CLYBL: variants seen among roughly 807,000 people sequenced by gnomAD.
The protein encoded by CLYBL is citramalyl-CoA lyase.
Under a neutral mutation model 38.9 loss-of-function variants are expected in CLYBL, and 31 were observed. That is an observed-to-expected ratio of 0.80 (90% confidence interval 0.60 to 1.08). CLYBL has a LOEUF of 1.08. CLYBL is among the 50% of genes least tolerant of loss of function. CLYBL has a pLI of 0.00. For missense variants in CLYBL, 434 were observed against 411.6 expected (o/e 1.05, Z -0.47); for synonymous variants, 171 against 158.6 (o/e 1.08, Z -0.59).
intron 1 of CLYBL, among the ~76,000 whole-genome samples, chr13:99,638,734 C>T (rs181398986): frequency 1.4e-3 from 211 of 152,268 alleles, no homozygotes; most frequent in Middle Eastern, 3.4e-3. Flanking sequence ...AGGAGGAAAC[C>T]GAAACACAGA....
At chr13:99,615,068 A>T (rs1223057714) in intron 1 of CLYBL, among the ~76,000 whole-genome samples, 3 of 152,232 alleles carry the variant, frequency 2.0e-5, no homozygotes, top group Non-Finnish European at 4.4e-5. Context: ...CAGGAGGCAC[A>T]CCTGAAGCCT....
chr13:99,806,584 T>C (rs1472048195), intron 2 of CLYBL, among the ~76,000 whole-genome samples: 2 of 152,220 alleles, frequency 1.3e-5, no homozygotes, highest in African/African-American at 2.4e-5. Flanking sequence ...AAGCCTCAGA[T>C]TTCTGATCTT....
At chr13:99,680,854 G>C (rs2047724262) in intron 1 of CLYBL, among the ~76,000 whole-genome samples, 1 of 152,202 alleles carries the variant, frequency 6.6e-6, no homozygotes, top group African/African-American at 2.4e-5. Flanking sequence ...AGTAGCATTA[G>C]CATCAGACAT....
At chr13:99,678,202 CATT>C in intron 1 of CLYBL, among the ~76,000 whole-genome samples, 1 of 152,156 alleles carries the variant, frequency 6.6e-6, no homozygotes, top group East Asian at 1.9e-4. Context: ...AACATTTTGT[CATT>C]GTTGTTTCAG....
intron 2 of CLYBL, among the ~76,000 whole-genome samples, chr13:99,853,941 A>G (rs1419705236): frequency 6.6e-6 from 1 of 152,240 alleles, no homozygotes; most frequent in African/African-American, 2.4e-5. Flanking sequence ...CATGCCCGTG[A>G]CATGACATCA....
At chr13:99,901,645 G>GT (rs57853480), downstream of CLYBL, among the ~76,000 whole-genome samples, 67,815 of 126,558 alleles carry the variant, frequency 0.54, 18,675 homozygotes, top group Non-Finnish European at 0.64. Flanking sequence ...GGATTTTTTT[G>GT]TTTTTTTTTT....
At chr13:99,764,244 T>TG (rs2049224311) in intron 1 of CLYBL, among the ~76,000 whole-genome samples, 1 of 151,880 alleles carries the variant, frequency 6.6e-6, no homozygotes, top group African/African-American at 2.4e-5. Flanking sequence ...TCTTTTCTTT[T>TG]GGGTAGAGAC....
chr13:99,770,371 A>G lies in CLYBL; in HGVS notation c.63-2453A>G, dbSNP rs539127682. Among the ~76,000 whole-genome samples, 84 of 152,178 alleles carry G rather than the reference A, an allele frequency of 5.5e-4. No homozygotes were observed. In the East Asian group the frequency reaches 9.5e-3, roughly 17 times the overall value. Reference sequence around the variant, plus strand: ...CTCGCTCTGTCACCCAGGGTAGAGTACAGTGGCGCAATCTTGGCTCACTGC... The same window carrying G: ...CTCGCTCTGTCACCCAGGGTAGAGTGCAGTGGCGCAATCTTGGCTCACTGC... On this transcript the variant is annotated intron_variant, in intron 1 of 8. Transcript: ENST00000339105.
intron 1 of CLYBL, 96 bp downstream of exon 1, chr13:99,606,853 C>T: frequency 7.8e-7 from 1 of 1,287,624 alleles, no homozygotes; most frequent in Non-Finnish European, 9.8e-7. Flanking sequence ...CTCCCCAAGC[C>T]CTCACGGGAA....
chr13:99,791,585 TTG>T (rs2049919156), intron 2 of CLYBL, among the ~76,000 whole-genome samples: 2 of 152,178 alleles, frequency 1.3e-5, no homozygotes, highest in Non-Finnish European at 2.9e-5. Flanking sequence ...TTCCACATCT[TTG>T]TACCTCCATT....
At chr13:99,664,172 C>T (rs555145872) in intron 1 of CLYBL, among the ~76,000 whole-genome samples, 18 of 152,324 alleles carry the variant, frequency 1.2e-4, no homozygotes, top group Non-Finnish European at 2.4e-4. Context: ...GATGTCTCTT[C>T]GGCTCTGGGA....
chr13:99,642,331 C>T (rs2047107798), intron 1 of CLYBL, among the ~76,000 whole-genome samples: 2 of 152,132 alleles, frequency 1.3e-5, no homozygotes, highest in African/African-American at 4.8e-5. Flanking sequence ...GGAGGGCTGG[C>T]GGTGGTCTTG....
intron 1 of CLYBL, among the ~76,000 whole-genome samples, chr13:99,628,780 A>G (rs1008157431): frequency 6.6e-6 from 1 of 152,238 alleles, no homozygotes; most frequent in Non-Finnish European, 1.5e-5. Context: ...GCAAATCCCA[A>G]GAAACATCTG....
intron 1 of CLYBL, among the ~76,000 whole-genome samples, chr13:99,750,014 TAAGA>T (rs1274071117): frequency 6.6e-6 from 1 of 152,168 alleles, no homozygotes; most frequent in East Asian, 1.9e-4. Flanking sequence ...TGCTGTCACT[TAAGA>T]GAGTAGGGAA....
chr13:99,761,269 C>T (rs992957292), intron 1 of CLYBL, among the ~76,000 whole-genome samples: 12 of 152,318 alleles, frequency 7.9e-5, no homozygotes, highest in African/African-American at 2.4e-4. Context: ...AGGAGAATGG[C>T]GTGAACCGGG....
At chr13:99,823,931 G>A (rs886583043) in intron 2 of CLYBL, among the ~76,000 whole-genome samples, 1 of 152,052 alleles carries the variant, frequency 6.6e-6, no homozygotes, top group Non-Finnish European at 1.5e-5. Context: ...TTTCTGAGTC[G>A]GGTCTTTTGC....
intron 1 of CLYBL, among the ~76,000 whole-genome samples, chr13:99,689,674 A>G (rs1019826566): frequency 3.3e-5 from 5 of 152,200 alleles, no homozygotes; most frequent in Admixed American, 6.5e-5. Flanking sequence ...GTTATTTACT[A>G]TTACTTTCTA....
chr13:99,655,963 C>G (rs545685674), intron 1 of CLYBL, among the ~76,000 whole-genome samples: 2 of 152,148 alleles, frequency 1.3e-5, no homozygotes, highest in Admixed American at 1.3e-4. Context: ...TTCGCAGGTG[C>G]GGTCAAGACG....
intron 1 of CLYBL, among the ~76,000 whole-genome samples, chr13:99,664,173 G>T (rs187296401): frequency 6.6e-6 from 1 of 152,236 alleles, no homozygotes; most frequent in Admixed American, 6.5e-5. Context: ...ATGTCTCTTC[G>T]GCTCTGGGAC....
Sources: gnomAD v4.1 joint callset for allele counts (sites outside exome capture counted in the v4.1 genomes callset) on GRCh38, gnomAD v4.1.1 for gene constraint, MANE v1.5 for transcripts, NCBI Gene and HGNC (gene_info 2026-07-23, HGNC 2026-07-21) for gene names.